Variants in SLC25A48 observed in about 807,000 individuals in gnomAD.
SLC25A48 encodes CTC-321K16.1.
In SLC25A48, 29 loss-of-function variants were observed where a neutral mutation model predicts 32.2. The ratio of observed to expected loss-of-function variants is 0.90; its 90% CI spans 0.67 to 1.23. The LOEUF (loss-of-function observed/expected upper bound fraction) is 1.23, where lower values mean the gene tolerates loss of function less well. Among genes scored for constraint, SLC25A48 ranks in the 50% most tolerant of loss-of-function variants. The pLI, the probability that SLC25A48 is intolerant of heterozygous loss-of-function variation, is 0.00. For missense variants in SLC25A48, 399 were observed against 422.7 expected, an observed-to-expected ratio of 0.94 and a Z score of 0.49; for synonymous variants, 164 against 172.3, an observed-to-expected ratio of 0.95 and a Z score of 0.38.
chr5:135,811,752 C>A (rs375516088), intron 3 of SLC25A48, among the ~76,000 whole-genome samples: 3 of 152,172 alleles, frequency 2.0e-5, no homozygotes, highest in African/African-American at 7.2e-5. Flanking sequence ...ACCGTCCTGT[C>A]CCAATTCTTC....
chr5:135,867,290 G>C (rs1435783761), intron 4 of SLC25A48, among the ~76,000 whole-genome samples: 1 of 152,182 alleles, frequency 6.6e-6, no homozygotes, highest in African/African-American at 2.4e-5. Context: ...CCGGCACCTC[G>C]TAGTCTTCCT....
chr5:135,828,590 C>G (rs1758125566), intron 4 of SLC25A48, among the ~76,000 whole-genome samples: 1 of 152,226 alleles, frequency 6.6e-6, no homozygotes, highest in Admixed American at 6.5e-5. Context: ...CACCAGTTCC[C>G]TGCAGAGAAA....
At chr5:135,823,172 G>A (rs1320618838) in intron 4 of SLC25A48, among the ~76,000 whole-genome samples, 1 of 152,156 alleles carries the variant, frequency 6.6e-6, no homozygotes, top group South Asian at 2.1e-4. Flanking sequence ...GCCAGGGTGG[G>A]ATTCACGAAG....
chr5:135,749,427 A>C (rs1755718908), intron 3 of SLC25A48, among the ~76,000 whole-genome samples: 1 of 152,084 alleles, frequency 6.6e-6, no homozygotes, highest in African/African-American at 2.4e-5. Flanking sequence ...AGAAGGACAG[A>C]GCCTAGATTG....
chr5:135,713,807 T>C (rs927129346), intron 3 of SLC25A48, among the ~76,000 whole-genome samples: 1 of 152,332 alleles, frequency 6.6e-6, no homozygotes, highest in Admixed American at 6.5e-5. Flanking sequence ...CCATGCACTT[T>C]GCACAGCCTC....
At chr5:135,841,709 G>A (rs1009995515) in intron 1 of SLC25A48, among the ~76,000 whole-genome samples, 1 of 145,414 alleles carries the variant, frequency 6.9e-6, no homozygotes, top group African/African-American at 2.5e-5. Flanking sequence ...AGATGTGTGG[G>A]TGGGGGGTAT....
At position 135,803,223 on chromosome 5, in the gene SLC25A48, A is replaced by C. The variant is rs1757376856; in HGVS notation, c.-520-9300A>C. On this transcript the variant is annotated intron_variant, in intron 3 of 10. Coordinates refer to the SLC25A48 transcript ENST00000646290. ...GTGCACTCTGTATGATGTTATTTAT[A>C]ATATACTTGGCAGATGTTATTTATA... The C allele has an allele frequency of 2.0e-5, 3 of 151,408 alleles. No homozygotes were observed. In the South Asian group the frequency reaches 6.2e-4, roughly 31 times the overall value. 9.4% of individuals were successfully genotyped at this position (151,408 alleles called of 1,614,324 possible).
At position 135,584,170 on chromosome 5, in the gene SLC25A48, G is replaced by T. The variant is rs371803749; in HGVS notation, c.-849+4573G>T. On this transcript the variant is annotated intron_variant, in intron 1 of 10. Transcript: ENST00000646290. ...GGCACTGCAAGATTCCCCTAAACAT[G>T]GGAGAAAATGCTTGCAGCAAATATG... 3.9e-5 allele frequency among the ~76,000 whole-genome samples: 6 copies of T among 152,312 alleles called. No individual in the cohort carries two copies. The East Asian group carries it at 1.2e-3, about 29-fold the overall frequency.
At chr5:135,653,180 A>G (rs757130039) in intron 3 of SLC25A48, among the ~76,000 whole-genome samples, 3 of 152,170 alleles carry the variant, frequency 2.0e-5, no homozygotes, top group Non-Finnish European at 4.4e-5. Context: ...TTCTTTATAA[A>G]TTACTCAGTT....
intron 1 of SLC25A48, among the ~76,000 whole-genome samples, chr5:135,594,242 T>G (rs146110619): frequency 1.5e-3 from 222 of 152,366 alleles, no homozygotes; most frequent in Middle Eastern, 3.4e-3. Context: ...GACATCTATT[T>G]AGTTACAGAA....
intron 3 of SLC25A48, among the ~76,000 whole-genome samples, chr5:135,759,135 A>G (rs1294722634): frequency 2.0e-5 from 3 of 152,042 alleles, no homozygotes; most frequent in Non-Finnish European, 2.9e-5. Context: ...GGATAATATC[A>G]TTTTGTGTTA....
At chr5:135,710,233 A>G (rs371821761) in intron 3 of SLC25A48, among the ~76,000 whole-genome samples, 112 of 152,326 alleles carry the variant, frequency 7.4e-4, no homozygotes, top group African/African-American at 2.4e-3. Flanking sequence ...TGGTTTTCGC[A>G]CAGCTTTGCA....
chr5:135,767,801 C>T (rs1425650395), intron 3 of SLC25A48, among the ~76,000 whole-genome samples: 1 of 151,376 alleles, frequency 6.6e-6, no homozygotes, highest in African/African-American at 2.4e-5. Context: ...TGATATTGTT[C>T]ATAATATCCA....
intron 4 of SLC25A48, among the ~76,000 whole-genome samples, chr5:135,862,009 T>C (rs1315936687): frequency 2.0e-5 from 3 of 152,262 alleles, no homozygotes; most frequent in Non-Finnish European, 2.9e-5. Flanking sequence ...TATGTGCCTG[T>C]GACAGTAAGG....
chr5:135,833,037 C>T (rs377647781), upstream of SLC25A48, among the ~76,000 whole-genome samples: 38 of 152,246 alleles, frequency 2.5e-4, no homozygotes, highest in African/African-American at 9.2e-4. Context: ...GGCCACAGAG[C>T]CAGCATTCTG....
At chr5:135,807,025 G>A (rs1478381317) in intron 3 of SLC25A48, among the ~76,000 whole-genome samples, 1 of 150,098 alleles carries the variant, frequency 6.7e-6, no homozygotes, top group Non-Finnish European at 1.5e-5. Context: ...TATTTTGTTA[G>A]TATCATAATG....
intron 1 of SLC25A48, among the ~76,000 whole-genome samples, chr5:135,606,930 C>T (rs576735608): frequency 1.2e-4 from 19 of 152,270 alleles, no homozygotes; most frequent in South Asian, 4.1e-4. Context: ...TCCTTGCTGA[C>T]GAAACCCCTA....
intron 1 of SLC25A48, among the ~76,000 whole-genome samples, chr5:135,585,453 T>C (rs748662355): frequency 4.6e-5 from 7 of 152,220 alleles, no homozygotes; most frequent in Non-Finnish European, 1.0e-4. Flanking sequence ...GCGTGGCTCG[T>C]AGACCTTGTT....
chr5:135,702,784 G>C (rs563306809), intron 3 of SLC25A48, among the ~76,000 whole-genome samples: 1 of 152,324 alleles, frequency 6.6e-6, no homozygotes, highest in South Asian at 2.1e-4. Flanking sequence ...AAACAAATTT[G>C]ACCTTGGGAT....
Sources: allele counts gnomAD v4.1 joint callset (sites outside exome capture counted in the v4.1 genomes callset), GRCh38; gene constraint gnomAD v4.1.1; transcripts MANE v1.5; gene names NCBI Gene and HGNC (gene_info 2026-07-23, HGNC 2026-07-21).